The following PARD3 variants were observed in gnomAD, a reference collection of about 807,000 sequenced individuals.
PARD3 encodes partitioning defective 3 homolog.
A neutral mutation model predicts 155.4 loss-of-function variants in PARD3; 75 were observed. The ratio of observed to expected loss-of-function variants is 0.48; its 90% CI spans 0.40 to 0.58. PARD3 has a LOEUF of 0.58. Ranked by LOEUF, PARD3 falls within the 20% of genes least tolerant of loss-of-function variation. PARD3 has a pLI of 0.00. For missense variants in PARD3, 1,642 were observed against 1,721.7 expected (o/e 0.95, Z 0.82); for synonymous variants, 576 against 610.5 (o/e 0.94, Z 0.83).
rs189356075 is a variant in PARD3, at chr10:34,660,492, G to A, written c.222+35826C>T. Among the ~76,000 whole-genome samples, 12 of 152,142 alleles carry A rather than the reference G, an allele frequency of 7.9e-5. No individual in the cohort carries two copies. The East Asian group carries it at 9.7e-4, about 12-fold the overall frequency. ...TACACAGATGTATGTCACTGTGCAC[G>A]GGGCTGCACTACACACCTGGGTTTA... On this transcript the variant is annotated intron_variant, in intron 2 of 24. Coordinates refer to ENST00000374788, the MANE Select transcript of PARD3 (RefSeq NM_001184785.2).
At chr10:34,524,832 T>C (rs1377475087) in intron 2 of PARD3, among the ~76,000 whole-genome samples, 1 of 152,222 alleles carries the variant, frequency 6.6e-6, no homozygotes, top group East Asian at 1.9e-4. Flanking sequence ...AGTTGTGATT[T>C]TATCATGAAC....
chr10:34,318,062 T>C (rs1398036745), intron 19 of PARD3, among the ~76,000 whole-genome samples: 1 of 152,228 alleles, frequency 6.6e-6, no homozygotes, highest in Admixed American at 6.5e-5. Flanking sequence ...AGTGCACTTC[T>C]CTGGACTTTG....
In PARD3 at chr10:34,583,359, G is replaced by A. The variant is rs557524151; in HGVS notation, c.223-66200C>T. Among the ~76,000 whole-genome samples, 7 of 152,228 alleles carry A rather than the reference G, an allele frequency of 4.6e-5. No individual in the cohort carries two copies. The South Asian group carries it at 1.2e-3, about 27-fold the overall frequency. On this transcript the variant is annotated intron_variant, in intron 2 of 24. Coordinates refer to ENST00000374788, the MANE Select transcript of PARD3 (RefSeq NM_001184785.2). ...TTCACAAAAATAGGCTGTCAAGATA[G>A]CTGCTACTCTAAGTGTTAGGATCAG... is the stretch of plus-strand genomic sequence containing the variant.
At chr10:34,321,302 C>G (rs1958360395) in intron 19 of PARD3, among the ~76,000 whole-genome samples, 1 of 152,078 alleles carries the variant, frequency 6.6e-6, no homozygotes, top group African/African-American at 2.4e-5. Context: ...CTATTGTGTT[C>G]ATACAGCAAA....
At chr10:34,792,936 G>C (rs968997399) in intron 1 of PARD3, among the ~76,000 whole-genome samples, 1 of 152,236 alleles carries the variant, frequency 6.6e-6, no homozygotes, top group African/African-American at 2.4e-5. Flanking sequence ...TTTGTACAGT[G>C]ATTCTTTATA....
At position 34,277,763 on chromosome 10, in the gene PARD3, A is replaced by C. The variant is rs535331202; in HGVS notation, c.3176+6372T>G. 3.9e-5 allele frequency among the ~76,000 whole-genome samples: 6 copies of C among 152,264 alleles called. No homozygotes were observed. The East Asian group carries it at 7.7e-4, about 20-fold the overall frequency. ...TAAAAGTTGAAAAAGAGATAAAAGA[A>C]AGCATTAACAGGGAGACTGCTAACC... On this transcript the variant is annotated intron_variant, in intron 21 of 24. Coordinates refer to ENST00000374788, the MANE Select transcript of PARD3 (RefSeq NM_001184785.2).
chr10:34,757,282 T>C (rs1040263908), intron 1 of PARD3, among the ~76,000 whole-genome samples: 3 of 152,244 alleles, frequency 2.0e-5, no homozygotes, highest in African/African-American at 7.2e-5. Flanking sequence ...TTTAAGTTCT[T>C]ATTCTCATCT....
intron 5 of PARD3, among the ~76,000 whole-genome samples, chr10:34,432,823 C>G (rs761373893): frequency 2.9e-4 from 44 of 152,048 alleles, no homozygotes; most frequent in Admixed American, 5.9e-4. Flanking sequence ...ACTAAAGTAA[C>G]ATAAAAGTTC....
chr10:34,126,078 C>A (rs991315125), intron 23 of PARD3, among the ~76,000 whole-genome samples: 6 of 152,194 alleles, frequency 3.9e-5, no homozygotes, highest in Non-Finnish European at 7.3e-5. Flanking sequence ...AAGCAACTTG[C>A]TGCTTTATTT....
At chr10:34,785,415 A>C (rs1483225353) in intron 1 of PARD3, among the ~76,000 whole-genome samples, 1 of 152,176 alleles carries the variant, frequency 6.6e-6, no homozygotes. Flanking sequence ...ATCTTCTTGA[A>C]GTAAAAGCAT....
At chr10:34,799,755 C>A (rs770471055) in intron 1 of PARD3, among the ~76,000 whole-genome samples, 2 of 151,700 alleles carry the variant, frequency 1.3e-5, no homozygotes, top group Non-Finnish European at 2.9e-5. Flanking sequence ...CTTTGGGGAG[C>A]CAAAGTGGGA....
rs556084252 is a variant in PARD3 at position 34,750,013 on chromosome 10, C to A, written c.121-53594G>T. 1.9e-4 allele frequency among the ~76,000 whole-genome samples: 29 copies of A among 149,486 alleles called. No homozygotes were observed. In the South Asian group the frequency reaches 5.9e-3, roughly 31 times the overall value. ...CTCCAGCCTAGGCGACAGAACGAGA[C>A]CCCCTCTCAAAAAAAGTACACACAC... On this transcript the variant is annotated intron_variant, in intron 1 of 24. Coordinates refer to ENST00000374788, the MANE Select transcript of PARD3 (RefSeq NM_001184785.2).
chr10:34,129,507 G>C (rs1355849934), intron 23 of PARD3, among the ~76,000 whole-genome samples: 1 of 152,112 alleles, frequency 6.6e-6, no homozygotes, highest in Non-Finnish European at 1.5e-5. Flanking sequence ...GGCCGGAAGA[G>C]CCAGGCCACC....
At chr10:34,437,792 G>A (rs565010026) in intron 5 of PARD3, among the ~76,000 whole-genome samples, 1 of 152,066 alleles carries the variant, frequency 6.6e-6, no homozygotes, top group African/African-American at 2.4e-5. Flanking sequence ...ATAATCAAAT[G>A]GTTTGTTCAA....
intron 22 of PARD3, among the ~76,000 whole-genome samples, chr10:34,198,019 G>A (rs1014807672): frequency 3.3e-5 from 5 of 152,170 alleles, no homozygotes; most frequent in African/African-American, 7.2e-5. Flanking sequence ...GAGCCACCGC[G>A]CCCGGCCGAA....
At chr10:34,140,389 G>A (rs935568486) in intron 22 of PARD3, among the ~76,000 whole-genome samples, 2 of 152,162 alleles carry the variant, frequency 1.3e-5, no homozygotes, top group African/African-American at 2.4e-5. Context: ...GTTCTCCCAC[G>A]GTACCTGTTC....
At chr10:34,442,290 C>G (rs1342788571) in intron 5 of PARD3, among the ~76,000 whole-genome samples, 1 of 152,200 alleles carries the variant, frequency 6.6e-6, no homozygotes, top group Non-Finnish European at 1.5e-5. Context: ...TTAAGTCTCA[C>G]CAATGATGGC....
At chr10:34,447,718 T>C (rs1229036569) in intron 5 of PARD3, among the ~76,000 whole-genome samples, 1 of 149,848 alleles carries the variant, frequency 6.7e-6, no homozygotes, top group Non-Finnish European at 1.5e-5. Context: ...GGCAGGGGAA[T>C]TGCTTGAACC....
chr10:34,630,686 C>T (rs1348341340), intron 2 of PARD3, among the ~76,000 whole-genome samples: 2 of 152,156 alleles, frequency 1.3e-5, no homozygotes, highest in Admixed American at 1.3e-4. Flanking sequence ...TCAAGCGATC[C>T]TCCCACCTTG....
Sources: allele counts gnomAD v4.1 joint callset (sites outside exome capture counted in the v4.1 genomes callset), GRCh38; gene constraint gnomAD v4.1.1; transcripts MANE v1.5; gene names NCBI Gene and HGNC (gene_info 2026-07-23, HGNC 2026-07-21).